Variants in VIPR2 observed in about 807,000 individuals in gnomAD.
VIPR2 encodes vasoactive intestinal polypeptide receptor 2.
Under a neutral mutation model 58.0 loss-of-function variants are expected in VIPR2, and 48 were observed. The observed-to-expected ratio is 0.83, with a 90% CI of 0.66 to 1.05. The LOEUF is 1.05. Among genes scored for constraint, VIPR2 ranks in the 50% least tolerant of loss-of-function variants. The pLI, the probability that VIPR2 is intolerant of heterozygous loss-of-function variation, is 0.00. For synonymous variants in VIPR2, 243 were observed against 235.2 expected (o/e 1.03, Z -0.30); for missense variants, 534 against 558.0 (o/e 0.96, Z 0.43).
At chr7:159,077,182 T>C (rs962059832) in intron 4 of VIPR2, among the ~76,000 whole-genome samples, 1 of 152,262 alleles carries the variant, frequency 6.6e-6, no homozygotes, top group Non-Finnish European at 1.5e-5. Context: ...ATGATTATCT[T>C]TGGTAGGAAT....
intron 2 of VIPR2, among the ~76,000 whole-genome samples, chr7:159,123,996 T>A (rs370476956): frequency 5.9e-5 from 9 of 152,174 alleles, no homozygotes; most frequent in Non-Finnish European, 7.4e-5. Context: ...CTTTAATAGG[T>A]TGTTTTTCTC....
At chr7:159,035,375 G>A (rs189528284) in intron 8 of VIPR2, among the ~76,000 whole-genome samples, 106 of 152,340 alleles carry the variant, frequency 7.0e-4, no homozygotes, top group Middle Eastern at 6.8e-3. Flanking sequence ...GTAACTAGAC[G>A]GTGGGTGTTT....
At chr7:159,037,033 A>G in intron 6 of VIPR2, 131 bp from the exon 7 acceptor site, 1 of 1,145,862 alleles carries the variant, frequency 8.7e-7, no homozygotes, top group Non-Finnish European at 1.2e-6. Context: ...TGCCATTGGG[A>G]AGGAAAGTGA....
intron 2 of VIPR2, among the ~76,000 whole-genome samples, chr7:159,135,806 G>C (rs1797194779): frequency 6.6e-6 from 1 of 152,196 alleles, no homozygotes; most frequent in South Asian, 2.1e-4. Context: ...CTGGGCGACA[G>C]AGTGAAACTC....
chr7:159,030,737 G>T lies in VIPR2; in HGVS notation c.1196C>A (p.Ala399Glu). The T allele has an allele frequency of 2.5e-6, 4 of 1,581,278 alleles. No homozygotes were observed. The highest frequency in any genetic ancestry group is 1.8e-5 in the Admixed American group (1 of 55,046). The stretch of plus-strand genomic sequence containing the variant: ...ACCGCAGACCCTGTAATCCCGGCTC[G>T]CGGACGGGGTCGGGCACCGGCTTCG... The part of the protein sequence containing the change: ...KWRSRCPTPS[A>E]SRDYRVCGSS... The change falls in exon 13 of 13, where the codon GCG (alanine) becomes GAG (glutamate). Residue 399 changes from alanine (A) to glutamate (E), a missense_variant. By Grantham distance (107) the Ala-to-Glu change is moderately radical (BLOSUM62 -1). Coordinates refer to ENST00000262178, the MANE Select transcript of VIPR2 (RefSeq NM_003382.5).
At chr7:159,059,157 G>C in intron 4 of VIPR2, 2 of 463,266 alleles carry the variant, frequency 4.3e-6, no homozygotes, top group Non-Finnish European at 9.0e-6. Context: ...TCAGGTACAG[G>C]AGGGATTCAT....
chr7:159,111,645 A>C (rs993251375), intron 2 of VIPR2, among the ~76,000 whole-genome samples: 2 of 151,536 alleles, frequency 1.3e-5, no homozygotes, highest in Non-Finnish European at 2.9e-5. Flanking sequence ...GCATCACTGC[A>C]TTCCAGCCTG....
intron 2 of VIPR2, among the ~76,000 whole-genome samples, chr7:159,129,135 C>A (rs146490087): frequency 0.035 from 3,937 of 114,010 alleles, 31 homozygotes; most frequent in Non-Finnish European, 0.039. Context: ...CTCAAACTGG[C>A]CTCTGGGGGG....
chr7:159,125,189 G>C (rs73527880), intron 2 of VIPR2, among the ~76,000 whole-genome samples: 387 of 152,326 alleles, frequency 2.5e-3, no homozygotes, highest in African/African-American at 8.6e-3. Flanking sequence ...GGAGTGGTGA[G>C]AGAGGGCATC....
chr7:159,056,484 T>C (rs893148655), intron 5 of VIPR2, among the ~76,000 whole-genome samples: 1 of 152,176 alleles, frequency 6.6e-6, no homozygotes, highest in Non-Finnish European at 1.5e-5. Flanking sequence ...TGGACCCTGC[T>C]GGACTGGCAT....
chr7:159,106,086 C>T (rs1420309944), intron 3 of VIPR2, among the ~76,000 whole-genome samples: 1 of 152,170 alleles, frequency 6.6e-6, no homozygotes, highest in Non-Finnish European at 1.5e-5. Flanking sequence ...GACAGCCTGG[C>T]TCTCACCTGA....
At position 159,097,489 on chromosome 7, in the gene VIPR2, A is replaced by G. The variant is rs1330314420; in HGVS notation, c.357+6268T>C. Among the ~76,000 whole-genome samples, 1 of 151,940 alleles carries G rather than the reference A, an allele frequency of 6.6e-6. No individual in the cohort carries two copies. Among genetic ancestry groups the G allele is most frequent in the Non-Finnish European group, 1.5e-5 (1 of 67,982 alleles). ...GGGAACGCCACACTCCGCCCTGGCC[A>G]CCTCCACCACAGAAGCAATGGCAGG... On this transcript the variant is annotated intron_variant, in intron 4 of 12. Transcript: ENST00000262178. The surrounding 1 kb of genome is among the most constrained non-coding windows in gnomAD (Gnocchi z 5.3).
chr7:159,140,697 T>C (rs1797429081), intron 2 of VIPR2, among the ~76,000 whole-genome samples: 1 of 152,244 alleles, frequency 6.6e-6, no homozygotes, highest in Admixed American at 6.5e-5. Flanking sequence ...CTCTCGGGCC[T>C]GCATATGAAC....
intron 4 of VIPR2, among the ~76,000 whole-genome samples, chr7:159,077,850 G>C (rs981819254): frequency 8.5e-5 from 13 of 152,214 alleles, no homozygotes; most frequent in African/African-American, 2.4e-5. Flanking sequence ...GAGGTTTGCT[G>C]TGTACCTCTA....
intron 2 of VIPR2, among the ~76,000 whole-genome samples, chr7:159,138,271 GA>G (rs1167073118): frequency 1.3e-5 from 2 of 152,204 alleles, no homozygotes; most frequent in Non-Finnish European, 2.9e-5. Context: ...CTCTGACAAA[GA>G]GAAACAAGCA....
intron 6 of VIPR2, among the ~76,000 whole-genome samples, chr7:159,038,854 A>G (rs1220561759): frequency 3.9e-5 from 6 of 152,268 alleles, no homozygotes; most frequent in Non-Finnish European, 7.3e-5. Flanking sequence ...TAAAAATACA[A>G]TTGACAAATC....
At chr7:159,087,879 G>A (rs974319580) in intron 4 of VIPR2, among the ~76,000 whole-genome samples, 3 of 151,804 alleles carry the variant, frequency 2.0e-5, no homozygotes, top group East Asian at 3.9e-4. Flanking sequence ...TCCAGGACTC[G>A]GATAGTGAGA....
intron 4 of VIPR2, among the ~76,000 whole-genome samples, chr7:159,089,652 G>A (rs187606328): frequency 3.9e-5 from 6 of 152,206 alleles, no homozygotes; most frequent in African/African-American, 1.4e-4. Flanking sequence ...AAGGAAACCT[G>A]AGACAAGTCT....
intron 8 of VIPR2, among the ~76,000 whole-genome samples, chr7:159,035,532 AG>A (rs2129492958): frequency 6.6e-6 from 1 of 152,322 alleles, no homozygotes; most frequent in Non-Finnish European, 1.5e-5. Flanking sequence ...ATAGTGGAAA[AG>A]CGCTCTGGGC....
Sources: gnomAD v4.1 joint callset for allele counts (sites outside exome capture counted in the v4.1 genomes callset) on GRCh38, gnomAD v4.1.1 for gene constraint, Gnocchi (gnomAD v3.1) non-coding constraint, MANE v1.5 for transcripts, NCBI Gene and HGNC (gene_info 2026-07-23, HGNC 2026-07-21) for gene names.